TSG101: variants seen among roughly 807,000 people sequenced by gnomAD.
The protein encoded by TSG101 is tumor susceptibility 101.
In TSG101, 19 loss-of-function variants were observed where a neutral mutation model predicts 48.5. The ratio of observed to expected loss-of-function variants is 0.39; its 90% CI spans 0.27 to 0.58. The LOEUF (loss-of-function observed/expected upper bound fraction) is 0.58. TSG101 is among the 20% of genes least tolerant of loss of function. The probability of loss-of-function intolerance (pLI) is 0.55; values close to 1 mark genes in which losing one functional copy is unlikely to be tolerated. For synonymous variants in TSG101, 174 were observed against 169.4 expected, an observed-to-expected ratio of 1.03 and a Z score of -0.21; for missense variants, 365 against 484.4, an observed-to-expected ratio of 0.75 and a Z score of 2.31.
intron 7 of TSG101, among the ~76,000 whole-genome samples, chr11:18,499,218 ATATT>A (rs1390902809): frequency 7.2e-6 from 1 of 138,214 alleles, no homozygotes; most frequent in African/African-American, 2.7e-5. Flanking sequence ...TAAAATATAT[ATATT>A]TATATATGAT....
intron 1 of TSG101, among the ~76,000 whole-genome samples, chr11:18,523,378 GTTGT>G (rs1451004114): frequency 3.3e-5 from 5 of 152,134 alleles, no homozygotes; most frequent in South Asian, 2.1e-4. Context: ...TATTTATTGA[GTTGT>G]TTATTGCCTT....
Position 18,526,778 on chromosome 11 carries a change from G to C in TSG101, c.39C>G (p.Ser13=). Residue 13 remains serine, a synonymous_variant, in exon 1 of 10, where the codon TCC becomes TCG. Coordinates refer to ENST00000251968, the MANE Select transcript of TSG101 (RefSeq NM_006292.4). ...GGCGAGCGCGTCGCAGCCTCACCTT[G>C]GACACCATTTTCTTGAGCTGGCTCT... ...VSESQLKKMV[S]KYKYRDLTVR... is the part of the protein sequence containing the mutation. 6.2e-7 allele frequency: 1 copy of C among 1,602,586 alleles called. No individual in the cohort carries two copies. The highest frequency in any genetic ancestry group is 8.5e-7 in the Non-Finnish European group (1 of 1,179,680).
At chr11:18,518,349 T>C (rs1850213419) in intron 2 of TSG101, among the ~76,000 whole-genome samples, 1 of 152,182 alleles carries the variant, frequency 6.6e-6, no homozygotes, top group African/African-American at 2.4e-5. Flanking sequence ...AAATGAAATT[T>C]AGAAAGTCTC....
intron 7 of TSG101, among the ~76,000 whole-genome samples, chr11:18,500,815 T>G (rs1849875731): frequency 6.6e-6 from 1 of 151,980 alleles, no homozygotes; most frequent in Non-Finnish European, 1.5e-5. Flanking sequence ...AGAAGCTTTT[T>G]TTTTTTGAGA....
At position 18,514,771 on chromosome 11, in the gene TSG101, A is replaced by G; in HGVS notation, c.264T>C (p.Phe88=). ...DTYPYNPPIC[F]VKPTSSMTIK... ...TAGTCATTGAACTAGTAGGCTTAACAAAACAGATAGGGGGATTATATGGGT... is the reference window on the plus strand; with the variant it reads ...TAGTCATTGAACTAGTAGGCTTAACGAAACAGATAGGGGGATTATATGGGT... The change falls in exon 4 of 10, where the codon TTT becomes TTC. Residue 88 remains phenylalanine, a synonymous_variant. Transcript: ENST00000251968. 6.3e-7 allele frequency: 1 copy of G among 1,599,490 alleles called. No individual in the cohort carries two copies. The highest frequency in any genetic ancestry group is 8.5e-7 in the Non-Finnish European group (1 of 1,175,098).
intron 7 of TSG101, among the ~76,000 whole-genome samples, chr11:18,492,695 A>G (rs1849715918): frequency 6.6e-6 from 1 of 152,032 alleles, no homozygotes; most frequent in Non-Finnish European, 1.5e-5. Context: ...GATTAGACCT[A>G]GTCTTATCTC....
intron 9 of TSG101, 78 bp from the exon 10 acceptor site, chr11:18,480,713 T>C: frequency 7.4e-7 from 1 of 1,344,010 alleles, no homozygotes. Flanking sequence ...ATTTGTAACC[T>C]AGATGGGATC....
At chr11:18,514,186 C>T (rs1283436577) in intron 4 of TSG101, among the ~76,000 whole-genome samples, 1 of 152,016 alleles carries the variant, frequency 6.6e-6, no homozygotes, top group African/African-American at 2.4e-5. Context: ...CTTGGCCATA[C>T]ATGTCTTGAT....
At position 18,517,080 on chromosome 11, in the gene TSG101, G is replaced by T. The variant is rs1850190536; in HGVS notation, c.128-916C>A. Among the ~76,000 whole-genome samples the T allele has an allele frequency of 2.0e-5, 3 of 151,980 alleles. 1 individual carries two copies. The highest frequency in any genetic ancestry group is 4.8e-5 in the African/African-American group (2 of 41,398). On this transcript the variant is annotated intron_variant, in intron 2 of 9. Transcript: ENST00000251968. Reference sequence around the variant, plus strand: ...TTTATTATTGTTTTTTGGAGACAGGGTCTTGCTATGTTGTGCAGGCTATCC... The same window carrying T: ...TTTATTATTGTTTTTTGGAGACAGGTTCTTGCTATGTTGTGCAGGCTATCC...
chr11:18,491,824 T>C (rs116936242), intron 7 of TSG101, among the ~76,000 whole-genome samples: 3,467 of 152,282 alleles, frequency 0.023, 59 homozygotes, highest in Non-Finnish European at 0.036. Context: ...AATAAGTCGG[T>C]CTACTTCAAA....
intron 9 of TSG101, among the ~76,000 whole-genome samples, chr11:18,480,922 T>C (rs1015792405): frequency 7.2e-5 from 11 of 152,222 alleles, no homozygotes; most frequent in South Asian, 2.1e-4. Flanking sequence ...AGTCCTCTCT[T>C]GGGTCTCTGG....
In TSG101 at chr11:18,492,624, G is replaced by A. The variant is rs1486599981; in HGVS notation, c.641-8552C>T. Among the ~76,000 whole-genome samples the A allele has an allele frequency of 2.0e-5, 3 of 152,052 alleles. 1 individual carries two copies. Among genetic ancestry groups the A allele is most frequent in the South Asian group, 4.1e-4 (2 of 4,824 alleles). On this transcript the variant is annotated intron_variant, in intron 7 of 9. Coordinates refer to ENST00000251968, the MANE Select transcript of TSG101 (RefSeq NM_006292.4). ...TAACCCTCAAAATAAGAACCAAGCCGAGGCAGCAGTCGCTTGGCCTATAAA... is the reference window on the plus strand; with the variant it reads ...TAACCCTCAAAATAAGAACCAAGCCAAGGCAGCAGTCGCTTGGCCTATAAA...
intron 1 of TSG101, among the ~76,000 whole-genome samples, chr11:18,525,267 C>A (rs542206755): frequency 6.6e-6 from 1 of 152,174 alleles, no homozygotes; most frequent in South Asian, 2.1e-4. Flanking sequence ...GTCATGGAGG[C>A]CAGGTGTGGT....
At chr11:18,517,538 C>G (rs929238472) in intron 2 of TSG101, among the ~76,000 whole-genome samples, 2 of 152,148 alleles carry the variant, frequency 1.3e-5, no homozygotes, top group African/African-American at 4.8e-5. Context: ...CAATGGACTG[C>G]ACATAAGAAC....
At chr11:18,520,803 C>T (rs1310637178) in intron 1 of TSG101, among the ~76,000 whole-genome samples, 19 of 152,054 alleles carry the variant, frequency 1.2e-4, no homozygotes, top group Admixed American at 1.2e-3. Context: ...GAGGCCGAGG[C>T]AGGCGGATCA....
intron 1 of TSG101, among the ~76,000 whole-genome samples, chr11:18,524,657 C>G (rs928180511): frequency 6.6e-6 from 1 of 152,172 alleles, no homozygotes; most frequent in Non-Finnish European, 1.5e-5. Flanking sequence ...GATATTGAGT[C>G]AAGGACCAAA....
chr11:18,519,678 A>C, intron 1 of TSG101, 75 bp from the exon 2 acceptor site: 1 of 1,095,542 alleles, frequency 9.1e-7, no homozygotes, highest in Non-Finnish European at 1.4e-6. Flanking sequence ...ATTTTCTTAA[A>C]ATCTCTTCCA....
intron 7 of TSG101, among the ~76,000 whole-genome samples, chr11:18,494,539 A>G (rs952250258): frequency 1.3e-5 from 2 of 152,178 alleles, no homozygotes; most frequent in Admixed American, 6.5e-5. Context: ...TTCTGTTATC[A>G]TTATTTCTGT....
At chr11:18,500,173 C>G (rs2133916809) in intron 7 of TSG101, among the ~76,000 whole-genome samples, 1 of 152,284 alleles carries the variant, frequency 6.6e-6, no homozygotes, top group South Asian at 2.1e-4. Flanking sequence ...CTTTTTATGG[C>G]TGAACAGTAT....
Sources: gnomAD v4.1 joint callset for allele counts (sites outside exome capture counted in the v4.1 genomes callset) on GRCh38, gnomAD v4.1.1 for gene constraint, MANE v1.5 for transcripts, NCBI Gene and HGNC (gene_info 2026-07-23, HGNC 2026-07-21) for gene names.